The following IQGAP2 variants were observed in gnomAD, a reference collection of about 807,000 sequenced individuals.
The protein encoded by IQGAP2 is IQ motif containing GTPase activating protein 2.
In IQGAP2, 173 loss-of-function variants were observed where a neutral mutation model predicts 201.3. The ratio of observed to expected loss-of-function variants is 0.86; its 90% CI spans 0.76 to 0.98. The LOEUF is 0.98. Among genes scored for constraint, IQGAP2 ranks in the 50% least tolerant of loss-of-function variants. IQGAP2 has a pLI of 0.00. For synonymous variants in IQGAP2, 675 were observed against 673.9 expected, an observed-to-expected ratio of 1.00 and a Z score of -0.03; for missense variants, 1,687 against 1,864.8, an observed-to-expected ratio of 0.90 and a Z score of 1.76.
rs759810323 is a variant in IQGAP2, at chr5:76,701,166, G to T, written c.4458G>T (p.Leu1486=). Reference sequence around the variant, plus strand: ...CAGTGAAGTACACTGCAGCAAAGCTGCATGAGAAAGGTGTCCTGCTAGATA... The same window carrying T: ...CAGTGAAGTACACTGCAGCAAAGCTTCATGAGAAAGGTGTCCTGCTAGATA... ...AKPVKYTAAK[L]HEKGVLLDID... is the part of the protein sequence containing the mutation. Residue 1486 remains leucine (L), a synonymous_variant, in exon 34 of 36, where the codon CTG becomes CTT. Coordinates refer to ENST00000274364, the MANE Select transcript of IQGAP2 (RefSeq NM_006633.5). 1 of 1,614,238 alleles carries T rather than the reference G, an allele frequency of 6.2e-7. No individual in the cohort carries two copies. Among genetic ancestry groups the T allele is most frequent in the Admixed American group, 1.7e-5 (1 of 60,032 alleles).
At chr5:76,705,804 A>G (rs1348148355) in intron 35 of IQGAP2, among the ~76,000 whole-genome samples, 1 of 152,242 alleles carries the variant, frequency 6.6e-6, no homozygotes, top group African/African-American at 2.4e-5. Flanking sequence ...CTTGCTAGAA[A>G]CAAGAAAATG....
intron 2 of IQGAP2, among the ~76,000 whole-genome samples, chr5:76,504,255 G>A (rs1757466665): frequency 6.6e-6 from 1 of 152,176 alleles, no homozygotes; most frequent in African/African-American, 2.4e-5. Context: ...GACACCTCTT[G>A]TCCTGGTGGT....
Position 76,403,664 on chromosome 5 carries a change from C to T in IQGAP2, c.46+73C>T. ...CTCCCCGAGGACGGCGTTGGAGAAG[C>T]CGAGGGAGCCGGTTGCGCGGCGCAG... is the stretch of plus-strand genomic sequence containing the variant. On this transcript the variant is annotated intron_variant, in intron 1 of 35. Coordinates refer to ENST00000274364, the MANE Select transcript of IQGAP2 (RefSeq NM_006633.5). The surrounding 1 kb of genome is among the most constrained non-coding windows in gnomAD (Gnocchi z 4.8). The T allele has an allele frequency of 7.9e-7, 1 of 1,273,114 alleles. No homozygotes were observed. Among genetic ancestry groups the T allele is most frequent in the South Asian group, 1.6e-5 (1 of 64,506 alleles). The allele number at this position is 1,273,114 out of a possible 1,614,324, so 78.9% of individuals were successfully genotyped here.
rs201642967 is a variant in IQGAP2, at chr5:76,665,105, G to T, written c.2609G>T (p.Gly870Val). 5.0e-6 allele frequency: 8 copies of T among 1,610,518 alleles called. No individual in the cohort carries two copies. Among genetic ancestry groups the T allele is most frequent in the Non-Finnish European group, 5.9e-6 (7 of 1,176,910 alleles). ...MEILNNTDNQ[G>V]IKSLSKERRK... ...ATACTGAATAACACCGACAACCAAG[G>T]AATAAAAAGTTTGAGTAAGGAGAGG... The change falls in exon 22 of 36, where the codon GGA becomes GTA. Residue 870 changes from glycine to valine, a missense_variant. Transcript: ENST00000274364.
At chr5:76,625,285 G>T (rs1750118353) in intron 13 of IQGAP2, among the ~76,000 whole-genome samples, 1 of 152,144 alleles carries the variant, frequency 6.6e-6, no homozygotes, top group Non-Finnish European at 1.5e-5. Context: ...TCTGTGTGGT[G>T]TATCTTCTAC....
intron 22 of IQGAP2, among the ~76,000 whole-genome samples, chr5:76,668,121 T>C (rs945960363): frequency 6.6e-6 from 1 of 152,048 alleles, no homozygotes; most frequent in Non-Finnish European, 1.5e-5. Context: ...GGGCTCAAGC[T>C]ATCCTTCTGC....
intron 1 of IQGAP2, among the ~76,000 whole-genome samples, chr5:76,451,330 TTTC>T (rs1753731529): frequency 6.6e-6 from 1 of 152,144 alleles, no homozygotes; most frequent in South Asian, 2.1e-4. Flanking sequence ...CATGTTTTTC[TTTC>T]TTCTTCTAAT....
intron 17 of IQGAP2, among the ~76,000 whole-genome samples, chr5:76,646,494 C>T (rs977616566): frequency 2.0e-5 from 3 of 152,176 alleles, no homozygotes; most frequent in African/African-American, 7.2e-5. Flanking sequence ...TGACAAGATC[C>T]TCGGATGATT....
chr5:76,502,373 A>C lies in IQGAP2; in HGVS notation c.146+40704A>C, dbSNP rs192768144. Among the ~76,000 whole-genome samples, 8 of 152,362 alleles carry C rather than the reference A, an allele frequency of 5.3e-5. No homozygotes were observed. In the East Asian group the frequency reaches 1.5e-3, roughly 29 times the overall value. On this transcript the variant is annotated intron_variant, in intron 2 of 35. Transcript: ENST00000274364. The stretch of plus-strand genomic sequence containing the variant: ...ATTCATTAATATAAGCATCACCTTC[A>C]GCTTTGCCACAGTGTTTTTTGGGGA...
At chr5:76,562,301 T>G in intron 2 of IQGAP2, 95 bp from the exon 3 acceptor site, 2 of 862,056 alleles carry the variant, frequency 2.3e-6, no homozygotes, top group Non-Finnish European at 3.6e-6. Flanking sequence ...CTTCTTCCTT[T>G]GTCTCCAACA....
At chr5:76,563,573 C>T (rs371525055) in intron 3 of IQGAP2, among the ~76,000 whole-genome samples, 109 of 152,246 alleles carry the variant, frequency 7.2e-4, no homozygotes, top group Middle Eastern at 3.4e-3. Context: ...AAAAAGCAAA[C>T]GCCAACCTAA....
chr5:76,613,362 C>T (rs1376503555), intron 13 of IQGAP2, among the ~76,000 whole-genome samples: 1 of 152,184 alleles, frequency 6.6e-6, no homozygotes, highest in East Asian at 1.9e-4. Flanking sequence ...TGAAGATAGA[C>T]ATCATTCAAA....
chr5:76,477,000 T>G (rs1755474822), intron 2 of IQGAP2, among the ~76,000 whole-genome samples: 1 of 152,176 alleles, frequency 6.6e-6, no homozygotes, highest in Non-Finnish European at 1.5e-5. Flanking sequence ...TAATTCATTT[T>G]CTAAGAAAAT....
At chr5:76,702,055 C>T (rs13181615) in intron 34 of IQGAP2, 49,406 of 152,284 alleles carry the variant, frequency 0.32, 8,122 homozygotes, top group Non-Finnish European at 0.35. Flanking sequence ...GTGATCCGCC[C>T]GCCTCGGCCT....
rs112959052 is a variant in IQGAP2, at chr5:76,532,292, A to T, written c.147-30104A>T. On this transcript the variant is annotated intron_variant, in intron 2 of 35. Transcript: ENST00000274364. Reference sequence around the variant, plus strand: ...GAGGCTGAATTGCGAGCATTGCTTGAGGCTAGGAGTTTGAGTCCAGTCTGG... The same window carrying T: ...GAGGCTGAATTGCGAGCATTGCTTGTGGCTAGGAGTTTGAGTCCAGTCTGG... Among the ~76,000 whole-genome samples, 139 of 152,290 alleles carry T rather than the reference A, an allele frequency of 9.1e-4. 1 individual carries two copies. Among genetic ancestry groups the T allele is most frequent in the African/African-American group, 3.3e-3 (137 of 41,560 alleles).
At chr5:76,543,398 T>C (rs947522321) in intron 2 of IQGAP2, among the ~76,000 whole-genome samples, 50 of 152,310 alleles carry the variant, frequency 3.3e-4, no homozygotes, top group African/African-American at 1.1e-3. Context: ...TGCTTGATGA[T>C]GGTTGGAGGG....
chr5:76,503,174 C>CTTTTTTTTT (rs11297908), intron 2 of IQGAP2, among the ~76,000 whole-genome samples: 13 of 109,336 alleles, frequency 1.2e-4, no homozygotes, highest in Non-Finnish European at 1.4e-4. Flanking sequence ...CTTTTCTTTT[C>CTTTTTTTTT]TTTTTTTTTT....
chr5:76,423,706 C>G (rs1056532665), intron 1 of IQGAP2, among the ~76,000 whole-genome samples: 2 of 152,056 alleles, frequency 1.3e-5, no homozygotes, highest in Non-Finnish European at 2.9e-5. Context: ...GGGAAGAGTG[C>G]AGAAGTAGCA....
chr5:76,546,484 G>C (rs924104753), intron 2 of IQGAP2, among the ~76,000 whole-genome samples: 10 of 152,088 alleles, frequency 6.6e-5, no homozygotes, highest in Admixed American at 5.9e-4. Flanking sequence ...ACTATACTTA[G>C]AGCTGTTGCC....
Sources: allele counts gnomAD v4.1 joint callset (sites outside exome capture counted in the v4.1 genomes callset), GRCh38; gene constraint gnomAD v4.1.1; non-coding constraint Gnocchi (gnomAD v3.1); transcripts MANE v1.5; gene names NCBI Gene and HGNC (gene_info 2026-07-23, HGNC 2026-07-21).